The following SRBD1 variants were observed in gnomAD, a reference collection of about 807,000 sequenced individuals.
The protein encoded by SRBD1 is S1 RNA binding domain 1, also known as S1 RNA-binding domain-containing protein 1.
A neutral mutation model predicts 115.3 loss-of-function variants in SRBD1; 88 were observed. That is an observed-to-expected ratio of 0.76 (90% CI 0.64 to 0.91). The LOEUF is 0.91. Among genes scored for constraint, SRBD1 ranks in the 40% least tolerant of loss-of-function variants. The probability of loss-of-function intolerance (pLI) is 0.00; values close to 1 mark genes in which losing one functional copy is unlikely to be tolerated. For missense variants in SRBD1, 1,385 were observed against 1,177.4 expected, an observed-to-expected ratio of 1.18 and a Z score of -2.58; for synonymous variants, 509 against 407.7, an observed-to-expected ratio of 1.25 and a Z score of -2.99.
intron 14 of SRBD1, among the ~76,000 whole-genome samples, chr2:45,520,165 A>G (rs1671238410): frequency 6.6e-6 from 1 of 152,270 alleles, no homozygotes; most frequent in African/African-American, 2.4e-5. Context: ...AGAGTCCAAC[A>G]AGCTGTCAGC....
chr2:45,503,193 A>G (rs1410528773), intron 14 of SRBD1, among the ~76,000 whole-genome samples: 6 of 144,628 alleles, frequency 4.1e-5, no homozygotes, highest in Non-Finnish European at 3.0e-5. Flanking sequence ...GGCATCCTAA[A>G]CATATTAATT....
chr2:45,449,307 T>TC (rs1446415217), intron 16 of SRBD1, among the ~76,000 whole-genome samples: 1 of 152,164 alleles, frequency 6.6e-6, no homozygotes, highest in African/African-American at 2.4e-5. Context: ...CAGTTTACAC[T>TC]CCCTCAGAAG....
chr2:45,599,191 T>C (rs1426364548), intron 4 of SRBD1, among the ~76,000 whole-genome samples: 1 of 152,174 alleles, frequency 6.6e-6, no homozygotes, highest in African/African-American at 2.4e-5. Context: ...ACAATCTGTC[T>C]ATATAGTTTA....
At chr2:45,414,321 G>T (rs73925648) in intron 18 of SRBD1, among the ~76,000 whole-genome samples, 83 of 152,028 alleles carry the variant, frequency 5.5e-4, no homozygotes, top group Middle Eastern at 3.4e-3. Context: ...GAAAAATGAT[G>T]ATATGAACTA....
At chr2:45,557,125 G>C (rs544936887) in intron 10 of SRBD1, among the ~76,000 whole-genome samples, 6 of 152,112 alleles carry the variant, frequency 3.9e-5, no homozygotes, top group Non-Finnish European at 5.9e-5. Flanking sequence ...TAACTATAAG[G>C]TTAGCGCTTC....
At chr2:45,585,841 A>G in intron 4 of SRBD1, 67 bp from the exon 5 acceptor site, 1 of 1,266,448 alleles carries the variant, frequency 7.9e-7, no homozygotes, top group Non-Finnish European at 1.1e-6. Context: ...TGTATAATTT[A>G]AAACATAGTA....
chr2:45,593,860 G>C (rs1558501384), intron 4 of SRBD1, among the ~76,000 whole-genome samples: 1 of 152,170 alleles, frequency 6.6e-6, no homozygotes, highest in Non-Finnish European at 1.5e-5. Context: ...TTAGAAATCA[G>C]AAGAGTGGTT....
At chr2:45,484,305 T>C (rs973503108) in intron 15 of SRBD1, among the ~76,000 whole-genome samples, 3 of 152,170 alleles carry the variant, frequency 2.0e-5, no homozygotes, top group Non-Finnish European at 4.4e-5. Flanking sequence ...TTGTGGTACC[T>C]CTAATCCCAA....
intron 4 of SRBD1, among the ~76,000 whole-genome samples, chr2:45,588,896 A>C (rs1483770861): frequency 1.3e-5 from 2 of 152,228 alleles, no homozygotes; most frequent in African/African-American, 4.8e-5. Flanking sequence ...TTTATTGCTT[A>C]AACTAGTTTG....
At chr2:45,498,936 G>C (rs1670544533) in intron 14 of SRBD1, among the ~76,000 whole-genome samples, 1 of 152,184 alleles carries the variant, frequency 6.6e-6, no homozygotes, top group African/African-American at 2.4e-5. Flanking sequence ...TGGCTAATGT[G>C]AATAGTGTTG....
Position 45,551,192 on chromosome 2 carries a change from C to T in SRBD1, c.1608G>A (p.Gly536=), listed in dbSNP as rs1465294934. ...CAGGATCCACTCCCATTAAGGTGCG[C>T]CCTGGAACAGGGCTTGTTAAAAGGA... The part of the protein sequence containing the change: ...RQLLLTSPVP[G]RTLMGVDPGY... The change falls in exon 12 of 21, where the codon GGG becomes GGA. Residue 536 remains glycine, a synonymous_variant. Coordinates refer to ENST00000263736, the MANE Select transcript of SRBD1 (RefSeq NM_018079.5). 6.2e-7 allele frequency: 1 copy of T among 1,613,004 alleles called. No homozygotes were observed. The highest frequency in any genetic ancestry group is 8.5e-7 in the Non-Finnish European group (1 of 1,179,772).
At chr2:45,461,661 C>T (rs1669322016) in intron 16 of SRBD1, among the ~76,000 whole-genome samples, 1 of 152,056 alleles carries the variant, frequency 6.6e-6, no homozygotes, top group African/African-American at 2.4e-5. Context: ...TTCAACTGCC[C>T]CCCCCAACTT....
At position 45,577,679 on chromosome 2, in the gene SRBD1, T is replaced by A. The variant is rs941757456; in HGVS notation, c.1072+2196A>T. ...ACTGGGGAAAAAAAAAACTGAACTATCTGGTTTCTTAAATATTTCTTTCAG... is the reference window on the plus strand; with the variant it reads ...ACTGGGGAAAAAAAAAACTGAACTAACTGGTTTCTTAAATATTTCTTTCAG... On this transcript the variant is annotated intron_variant, in intron 7 of 20. Coordinates refer to ENST00000263736, the MANE Select transcript of SRBD1 (RefSeq NM_018079.5). Among the ~76,000 whole-genome samples, 3 of 152,172 alleles carry A rather than the reference T, an allele frequency of 2.0e-5. No homozygotes were observed. The Middle Eastern group carries it at 0.01, about 521-fold the overall frequency.
intron 19 of SRBD1, among the ~76,000 whole-genome samples, chr2:45,405,249 G>A (rs1003400411): frequency 6.6e-6 from 1 of 152,050 alleles, no homozygotes; most frequent in African/African-American, 2.4e-5. Context: ...TTTTTTAAAT[G>A]AAAGATTCTG....
chr2:45,601,201 C>T (rs1284477116), intron 3 of SRBD1, among the ~76,000 whole-genome samples: 1 of 152,200 alleles, frequency 6.6e-6, no homozygotes, highest in Non-Finnish European at 1.5e-5. Context: ...AGTGGACATT[C>T]AATAAACTCA....
At chr2:45,563,799 T>G (rs1672743525) in intron 9 of SRBD1, among the ~76,000 whole-genome samples, 1 of 152,102 alleles carries the variant, frequency 6.6e-6, no homozygotes, top group African/African-American at 2.4e-5. Context: ...GACACTGAAT[T>G]AGTAATTTGA....
At chr2:45,595,037 AC>A (rs919409409) in intron 4 of SRBD1, among the ~76,000 whole-genome samples, 4 of 152,054 alleles carry the variant, frequency 2.6e-5, no homozygotes, top group Non-Finnish European at 4.4e-5. Context: ...TATAAAACCA[AC>A]CCCCCTGCTT....
In SRBD1 at chr2:45,573,222, G is replaced by A. The variant is rs369183483; in HGVS notation, c.1290C>T (p.Asn430=). The A allele has an allele frequency of 1.9e-6, 3 of 1,608,268 alleles. No individual in the cohort carries two copies. The highest frequency in any genetic ancestry group is 3.4e-5 in the Admixed American group (2 of 59,000). ...CTTTATTTACCTGATGATGGTGAAT[G>A]TTTCTTATGTTGCAGGAAAAATGCT... ...LYQHFSCNIR[N]IHHHQILAIN... is the part of the protein sequence containing the mutation. The change falls in exon 9 of 21, where the codon AAC becomes AAT. Residue 430 remains asparagine (N), a synonymous_variant. Coordinates refer to ENST00000263736, the MANE Select transcript of SRBD1 (RefSeq NM_018079.5).
intron 16 of SRBD1, among the ~76,000 whole-genome samples, chr2:45,426,982 A>C (rs1188480192): frequency 6.6e-6 from 1 of 152,232 alleles, no homozygotes; most frequent in Non-Finnish European, 1.5e-5. Flanking sequence ...AGGGAATAAA[A>C]CTGGATGGAG....
Sources: allele counts gnomAD v4.1 joint callset (sites outside exome capture counted in the v4.1 genomes callset), GRCh38; gene constraint gnomAD v4.1.1; transcripts MANE v1.5; gene names NCBI Gene and HGNC (gene_info 2026-07-23, HGNC 2026-07-21).